Variants in SPATA6L observed in about 807,000 individuals in gnomAD.
SPATA6L encodes the protein spermatogenesis associated 6 like, also known as spermatogenesis associated 6-like protein.
Under a neutral mutation model 49.2 loss-of-function variants are expected in SPATA6L, and 68 were observed. The ratio of observed to expected loss-of-function variants is 1.38; its 90% CI spans 1.14 to 1.69. The LOEUF (loss-of-function observed/expected upper bound fraction) is 1.69. SPATA6L is among the 40% of genes most tolerant of loss of function. The pLI is 0.00. For missense variants in SPATA6L, 668 were observed against 464.3 expected, an observed-to-expected ratio of 1.44 and a Z score of -4.03; for synonymous variants, 198 against 165.7, an observed-to-expected ratio of 1.19 and a Z score of -1.50.
intron 7 of SPATA6L, among the ~76,000 whole-genome samples, 193 bp from the exon 8 acceptor site, chr9:4,619,091 G>A (rs1463161814): frequency 1.3e-5 from 2 of 151,916 alleles, no homozygotes; most frequent in Non-Finnish European, 2.9e-5. Context: ...TCCGGGTTGT[G>A]GGGGTTTTTT....
chr9:4,621,764 A>G (rs968530498), intron 7 of SPATA6L, among the ~76,000 whole-genome samples: 2 of 152,238 alleles, frequency 1.3e-5, no homozygotes, highest in Non-Finnish European at 2.9e-5. Flanking sequence ...CTGGGATTAC[A>G]GGCGTCAGTC....
intron 5 of SPATA6L, chr9:4,627,339 T>C (rs1322922056): frequency 1.2e-5 from 2 of 161,292 alleles, no homozygotes; most frequent in Non-Finnish European, 2.7e-5. Context: ...AAAAAGCAGA[T>C]AATGCCTTCC....
intron 3 of SPATA6L, among the ~76,000 whole-genome samples, chr9:4,643,052 G>T (rs549836970): frequency 6.6e-6 from 1 of 152,182 alleles, no homozygotes; most frequent in Non-Finnish European, 1.5e-5. Context: ...CTGTGGCCCA[G>T]GCTGGAGTGC....
chr9:4,663,031 C>A (rs1228621291), intron 1 of SPATA6L: 1 of 1,613,850 alleles, frequency 6.2e-7, no homozygotes, highest in Non-Finnish European at 8.5e-7. Context: ...ACAAGGGCCG[C>A]CCTGATGTCG....
At chr9:4,602,248 T>C (rs1361349085) in intron 11 of SPATA6L, among the ~76,000 whole-genome samples, 2 of 152,090 alleles carry the variant, frequency 1.3e-5, no homozygotes, top group East Asian at 3.9e-4. Flanking sequence ...TGAAATTCAA[T>C]GTAATTTGGC....
At chr9:4,658,162 T>C (rs1046686275) in intron 2 of SPATA6L, among the ~76,000 whole-genome samples, 3 of 152,232 alleles carry the variant, frequency 2.0e-5, no homozygotes, top group African/African-American at 4.8e-5. Context: ...GTTTCTGTTG[T>C]TTAAGCCACT....
intron 1 of SPATA6L, chr9:4,663,325 CTA>C: frequency 6.6e-7 from 1 of 1,524,816 alleles, no homozygotes; most frequent in South Asian, 1.2e-5. Context: ...TGATGTCAAC[CTA>C]AACCAGCAGC....
chr9:4,610,059 GAATAA>G (rs1057442331), intron 9 of SPATA6L, among the ~76,000 whole-genome samples: 8 of 151,972 alleles, frequency 5.3e-5, no homozygotes, highest in African/African-American at 1.7e-4. Context: ...GCTTCAAAGA[GAATAA>G]AATACCTAGG....
At chr9:4,657,895 G>T (rs970702723) in intron 2 of SPATA6L, among the ~76,000 whole-genome samples, 2 of 152,092 alleles carry the variant, frequency 1.3e-5, no homozygotes, top group African/African-American at 4.8e-5. Context: ...TTGGGCTTCA[G>T]TTTGCTTACC....
chr9:4,629,442 GAC>G (rs1564214198), intron 4 of SPATA6L, among the ~76,000 whole-genome samples: 1 of 151,782 alleles, frequency 6.6e-6, no homozygotes, highest in Non-Finnish European at 1.5e-5. Flanking sequence ...CCTCAACTAA[GAC>G]ACAGTTTAAG....
intron 9 of SPATA6L, among the ~76,000 whole-genome samples, chr9:4,606,548 C>G (rs552949768): frequency 2.7e-5 from 1 of 37,458 alleles, no homozygotes; most frequent in Non-Finnish European, 6.6e-5. Context: ...ACTGACACCT[C>G]ACACGGCCGG....
At chr9:4,666,158 G>C (rs755714358) in intron 1 of SPATA6L, 54 bp downstream of exon 1, 3 of 1,581,452 alleles carry the variant, frequency 1.9e-6, no homozygotes, top group Non-Finnish European at 1.7e-6. Flanking sequence ...AACCACCTGA[G>C]ACTATTTAGA....
rs1234359125 is a variant in SPATA6L, at chr9:4,598,568, T to C, written c.*2243A>G. Reference sequence around the variant, plus strand: ...CGTAATTTAGTGTGAAAACCAAAAATGACTTTAAATAAGAATGGGCATTTA... The same window carrying C: ...CGTAATTTAGTGTGAAAACCAAAAACGACTTTAAATAAGAATGGGCATTTA... On this transcript the variant is annotated 3_prime_UTR_variant, in exon 12 of 12. Coordinates refer to ENST00000682582, the MANE Select transcript of SPATA6L (RefSeq NM_001353486.2). Among the ~76,000 whole-genome samples the C allele has an allele frequency of 6.6e-6, 1 of 152,174 alleles. No individual in the cohort carries two copies. Among genetic ancestry groups the C allele is most frequent in the Non-Finnish European group, 1.5e-5 (1 of 68,022 alleles).
At position 4,622,517 on chromosome 9, in the gene SPATA6L, G is replaced by C; in HGVS notation, c.670-7C>G. The stretch of plus-strand genomic sequence containing the variant: ...AGGGCTTTGCACTGTCCACCTGAAA[G>C]TAAAGGAAAGAAATAAGACTAGAAT... On this transcript the variant is annotated splice_region_variant and splice_polypyrimidine_tract_variant and intron_variant, in intron 6 of 11. Coordinates refer to ENST00000682582, the MANE Select transcript of SPATA6L (RefSeq NM_001353486.2). The C allele has an allele frequency of 1.3e-6, 2 of 1,587,038 alleles. No individual in the cohort carries two copies. The highest frequency in any genetic ancestry group is 1.7e-6 in the Non-Finnish European group (2 of 1,159,060).
At chr9:4,616,546 G>T (rs973986068) in intron 9 of SPATA6L, among the ~76,000 whole-genome samples, 5 of 152,198 alleles carry the variant, frequency 3.3e-5, no homozygotes, top group African/African-American at 1.2e-4. Flanking sequence ...GTGTAAGTGT[G>T]TCTCTGACCA....
Position 4,666,243 on chromosome 9 carries a change from A to AGAGG in SPATA6L, c.4_7dup (p.Leu3ProfsTer57). On this transcript the variant is annotated frameshift_variant, in exon 1 of 12. Transcript: ENST00000682582. LOFTEE classifies it high-confidence loss of function. ...GATCTGCAGCTCCACCACCACCTCC[A>AGAGG]GAGGCATCGTTCCCTGCGTGGGCGA... The AGAGG allele has an allele frequency of 6.2e-7, 1 of 1,614,180 alleles. No homozygotes were observed. Among genetic ancestry groups the AGAGG allele is most frequent in the Non-Finnish European group, 8.5e-7 (1 of 1,180,026 alleles).
rs301488 is a variant in SPATA6L at position 4,662,065 on chromosome 9, G to T, written c.40-29C>A. ...AAAAAGAAAGAAAACAACAAACAAG[G>T]GAGAGAAAACAGACTTTGCTTTGTT... On this transcript the variant is annotated intron_variant, in intron 1 of 11. Coordinates refer to ENST00000682582, the MANE Select transcript of SPATA6L (RefSeq NM_001353486.2). This position sits in a 1 kb window ranked among gnomAD's most constrained non-coding sequence, Gnocchi z 4.9. 2 of 1,609,860 alleles carry T rather than the reference G, an allele frequency of 1.2e-6. No individual in the cohort carries two copies. The highest frequency in any genetic ancestry group is 2.2e-5 in the East Asian group (1 of 44,744).
intron 5 of SPATA6L, chr9:4,626,404 T>C (rs780592736): frequency 7.0e-5 from 91 of 1,302,448 alleles, no homozygotes; most frequent in Non-Finnish European, 6.8e-5. Flanking sequence ...GAGATCTGAG[T>C]TCCAGCTCAT....
chr9:4,618,175 G>A (rs1034726256), intron 8 of SPATA6L, 65 bp from the exon 9 acceptor site: 11 of 1,428,100 alleles, frequency 7.7e-6, no homozygotes, highest in Non-Finnish European at 9.7e-6. Context: ...AGAGCTGGGG[G>A]TGGGGGTTGG....
Sources: allele counts gnomAD v4.1 joint callset (sites outside exome capture counted in the v4.1 genomes callset), GRCh38; gene constraint gnomAD v4.1.1; non-coding constraint Gnocchi (gnomAD v3.1); transcripts MANE v1.5; gene names NCBI Gene and HGNC (gene_info 2026-07-23, HGNC 2026-07-21).